The following ZBTB43 variants were observed in gnomAD, a reference collection of about 807,000 sequenced individuals.
The protein encoded by ZBTB43 is zinc finger and BTB domain-containing protein 43.
In ZBTB43, 6 loss-of-function variants were observed where a neutral mutation model predicts 31.1. The ratio of observed to expected loss-of-function variants is 0.19; its 90% CI spans 0.11 to 0.38. The LOEUF is 0.38. Ranked by LOEUF, ZBTB43 falls within the 10% of genes least tolerant of loss-of-function variation. The pLI is 1.00. For missense variants in ZBTB43, 379 were observed against 602.1 expected (o/e 0.63, Z 3.88); for synonymous variants, 212 against 221.7 (o/e 0.96, Z 0.39).
intron 2 of ZBTB43, among the ~76,000 whole-genome samples, chr9:126,829,990 A>T (rs1166595802): frequency 6.6e-6 from 1 of 152,224 alleles, no homozygotes; most frequent in Non-Finnish European, 1.5e-5. Context: ...CTTCACTCTA[A>T]AAACACAGTC....
At chr9:126,827,170 C>T (rs1032801501) in intron 2 of ZBTB43, among the ~76,000 whole-genome samples, 5 of 151,986 alleles carry the variant, frequency 3.3e-5, no homozygotes, top group Non-Finnish European at 7.3e-5. Context: ...CTCTCTTATC[C>T]GTGCAAACCA....
Position 126,819,211 on chromosome 9 carries a change from A to T in ZBTB43, c.-24+10296A>T, listed in dbSNP as rs147105434. On this transcript the variant is annotated intron_variant, in intron 2 of 2. Coordinates refer to ENST00000373464, the MANE Select transcript of ZBTB43 (RefSeq NM_014007.4). ...ACACATGATCTATCCTGGAGAATGTACTGTGTGCACTTGGTGGCTGACATG... is the reference window on the plus strand; with the variant it reads ...ACACATGATCTATCCTGGAGAATGTTCTGTGTGCACTTGGTGGCTGACATG... 7.3e-5 allele frequency among the ~76,000 whole-genome samples: 11 copies of T among 151,142 alleles called. No homozygotes were observed. The East Asian group carries it at 1.6e-3, about 22-fold the overall frequency.
intron 2 of ZBTB43, among the ~76,000 whole-genome samples, chr9:126,819,849 T>C (rs529048987): frequency 2.0e-5 from 3 of 152,342 alleles, no homozygotes; most frequent in African/African-American, 7.2e-5. Context: ...AGTGCTACTC[T>C]AATGAACACA....
chr9:126,837,087 GA>G lies in ZBTB43; in HGVS notation c.*3175del, dbSNP rs1179030635. 1 of 162,296 alleles carries G rather than the reference GA, an allele frequency of 6.2e-6. No homozygotes were observed. Among genetic ancestry groups the G allele is most frequent in the Non-Finnish European group, 1.5e-5 (1 of 67,898 alleles). The allele number at this position is 162,296 out of a possible 1,614,324, so 10.1% of individuals were successfully genotyped here. ...CCACCACACTCCAGCCTGCGCGACAGATCGAGACTCTGTCTCAAAAAAAAAA... is the reference window on the plus strand; with the variant it reads ...CCACCACACTCCAGCCTGCGCGACAGTCGAGACTCTGTCTCAAAAAAAAAA... On this transcript the variant is annotated 3_prime_UTR_variant, in exon 3 of 3. Transcript: ENST00000373464.
intron 2 of ZBTB43, among the ~76,000 whole-genome samples, chr9:126,809,928 C>T (rs1401580057): frequency 6.6e-6 from 1 of 151,864 alleles, no homozygotes; most frequent in Non-Finnish European, 1.5e-5. Context: ...CTCCACCTCC[C>T]AGGCTCAAGC....
chr9:126,813,869 A>G (rs2032303803), intron 2 of ZBTB43, among the ~76,000 whole-genome samples: 1 of 151,712 alleles, frequency 6.6e-6, no homozygotes, highest in African/African-American at 2.4e-5. Context: ...TTACATTTCT[A>G]GTTTTATCAT....
chr9:126,833,385 C>T lies in ZBTB43; in HGVS notation c.876C>T (p.His292=), dbSNP rs143760797. The T allele has an allele frequency of 9.3e-4, 1,498 of 1,613,816 alleles. 3 individuals carry two copies. Among genetic ancestry groups the T allele is most frequent in the Non-Finnish European group, 1.1e-3 (1,250 of 1,179,888 alleles). Reference sequence around the variant, plus strand: ...CTTCGGGAGTGGAGGAGGACTTCCACATCGGGGAGAAGAAAGTGGAAGCTG... The same window carrying T: ...CTTCGGGAGTGGAGGAGGACTTCCATATCGGGGAGAAGAAAGTGGAAGCTG... ...VQPSGVEEDF[H]IGEKKVEAEF... is the part of the protein sequence containing the mutation. Residue 292 remains histidine (H), a synonymous_variant, in exon 3 of 3, where the codon CAC becomes CAT. Coordinates refer to ENST00000373464, the MANE Select transcript of ZBTB43 (RefSeq NM_014007.4). This position sits in a 1 kb window ranked among gnomAD's most constrained non-coding sequence, Gnocchi z 7.9.
intron 1 of ZBTB43, among the ~76,000 whole-genome samples, chr9:126,807,640 T>C (rs960768269): frequency 2.6e-5 from 4 of 152,292 alleles, no homozygotes; most frequent in African/African-American, 9.6e-5. Context: ...GTTTTTGTTT[T>C]GTTTTGTTTT....
chr9:126,807,952 CA>C (rs113179970), intron 1 of ZBTB43, among the ~76,000 whole-genome samples: 2,105 of 152,170 alleles, frequency 0.014, 53 homozygotes, highest in African/African-American at 0.048. Context: ...TTTTCCTTTT[CA>C]ACTCTATTTA....
In ZBTB43 at chr9:126,832,508, A is replaced by G. The variant is rs1349627225; in HGVS notation, c.-2A>G. On this transcript the variant is annotated 5_prime_UTR_variant, in exon 3 of 3. Coordinates refer to ENST00000373464, the MANE Select transcript of ZBTB43 (RefSeq NM_014007.4). ...GTAGCACCGAACAAGATTTGTGATG[A>G]AATGGAGCCTGGAACAAACTCTTTT... 6.2e-7 allele frequency: 1 copy of G among 1,600,414 alleles called. No homozygotes were observed. The highest frequency in any genetic ancestry group is 8.5e-7 in the Non-Finnish European group (1 of 1,170,022).
intron 2 of ZBTB43, among the ~76,000 whole-genome samples, chr9:126,813,224 C>T (rs773603246): frequency 1.4e-4 from 21 of 152,238 alleles, no homozygotes; most frequent in African/African-American, 4.8e-4. Context: ...GAGTGATCCA[C>T]GTGCCTCAGC....
At chr9:126,822,696 C>T (rs1436138943) in intron 2 of ZBTB43, among the ~76,000 whole-genome samples, 2 of 152,158 alleles carry the variant, frequency 1.3e-5, no homozygotes, top group Non-Finnish European at 2.9e-5. Context: ...GCCGTGATCA[C>T]ATCACTGCAT....
In ZBTB43 at chr9:126,833,705, C is replaced by G; in HGVS notation, c.1196C>G (p.Pro399Arg). 1 of 1,608,912 alleles carries G rather than the reference C, an allele frequency of 6.2e-7. No individual in the cohort carries two copies. The highest frequency in any genetic ancestry group is 8.5e-7 in the Non-Finnish European group (1 of 1,175,578). ...RHMSMHLGLR[P>R]YGCGVCGKKF... The stretch of plus-strand genomic sequence containing the variant: ...ATGAGCATGCACCTCGGTCTTCGGC[C>G]TTACGGCTGTGGGGTCTGCGGTAAG... Residue 399 changes from proline to arginine, a missense_variant, in exon 3 of 3, where the codon CCT (proline) becomes CGT (arginine). This residue lies in a region of ZBTB43 where 23 missense variants were observed against 105.1 expected (regional missense o/e 0.22). Transcript: ENST00000373464. The surrounding 1 kb of genome is among the most constrained non-coding windows in gnomAD (Gnocchi z 7.9).
At chr9:126,815,654 CTCTCTT>C (rs1264592699) in intron 2 of ZBTB43, among the ~76,000 whole-genome samples, 7 of 123,516 alleles carry the variant, frequency 5.7e-5, no homozygotes, top group Non-Finnish European at 1.3e-4. Context: ...CTCTCTCTCT[CTCTCTT>C]TTTTTTTTTT....
chr9:126,824,064 T>A (rs570985873), intron 2 of ZBTB43, among the ~76,000 whole-genome samples: 10 of 152,264 alleles, frequency 6.6e-5, no homozygotes, highest in Admixed American at 3.3e-4. Flanking sequence ...TCTCACTCTG[T>A]TGCCCAGGCT....
rs1036909433 is a variant in ZBTB43, at chr9:126,835,473, G to A, written c.*1560G>A. The A allele has an allele frequency of 1.2e-5, 2 of 166,806 alleles. No individual in the cohort carries two copies. The highest frequency in any genetic ancestry group is 6.6e-5 in the Admixed American group (1 of 15,250). The allele number at this position is 166,806 out of a possible 1,614,324, so 10.3% of individuals were successfully genotyped here. A position where few individuals can be genotyped will look rare whatever the true frequency, so the allele number is the denominator to read the frequency against. The stretch of plus-strand genomic sequence containing the variant: ...TAAAAATAATTTTTCTTGGATTTGG[G>A]GTGAAATTTTATTTGAAAAGTTTGG... On this transcript the variant is annotated 3_prime_UTR_variant, in exon 3 of 3. Transcript: ENST00000373464.
chr9:126,816,936 C>T (rs1440696216), intron 2 of ZBTB43, among the ~76,000 whole-genome samples: 1 of 152,056 alleles, frequency 6.6e-6, no homozygotes, highest in Admixed American at 6.6e-5. Context: ...CCTAATACCA[C>T]CCACCTCTGA....
At chr9:126,811,278 A>G (rs541380088) in intron 2 of ZBTB43, among the ~76,000 whole-genome samples, 1 of 151,814 alleles carries the variant, frequency 6.6e-6, no homozygotes, top group South Asian at 2.1e-4. Flanking sequence ...CTCTTAAGCT[A>G]TAGTGGGCCT....
chr9:126,818,867 A>G (rs1482434795), intron 2 of ZBTB43, among the ~76,000 whole-genome samples: 1 of 152,142 alleles, frequency 6.6e-6, no homozygotes, highest in Non-Finnish European at 1.5e-5. Context: ...GGCACTCCTG[A>G]CCTAATAGAA....
Sources: gnomAD v4.1 joint callset for allele counts (sites outside exome capture counted in the v4.1 genomes callset) on GRCh38, gnomAD v4.1.1 for gene constraint, gnomAD v4.1.1 regional missense constraint, Gnocchi (gnomAD v3.1) non-coding constraint, MANE v1.5 for transcripts, NCBI Gene and HGNC (gene_info 2026-07-23, HGNC 2026-07-21) for gene names.